The following APBA1 variants were observed in gnomAD, a reference collection of about 807,000 sequenced individuals.
The protein encoded by APBA1 is amyloid-beta A4 precursor protein-binding family A member 1.
Under a neutral mutation model 86.6 loss-of-function variants are expected in APBA1, and 55 were observed. The observed-to-expected ratio is 0.64, with a 90% CI of 0.51 to 0.80. APBA1 has a LOEUF of 0.80. Among genes scored for constraint, APBA1 ranks in the 30% least tolerant of loss-of-function variants. The pLI, the probability that APBA1 is intolerant of heterozygous loss-of-function variation, is 0.00. For synonymous variants in APBA1, 511 were observed against 493.9 expected, an observed-to-expected ratio of 1.03 and a Z score of -0.46; for missense variants, 1,090 against 1,183.0, an observed-to-expected ratio of 0.92 and a Z score of 1.15.
At chr9:69,636,480 G>T (rs934685431) in intron 1 of APBA1, among the ~76,000 whole-genome samples, 5 of 152,104 alleles carry the variant, frequency 3.3e-5, no homozygotes, top group Non-Finnish European at 7.4e-5. Context: ...CAATAGTCAA[G>T]ATCTGGAAGC....
intron 10 of APBA1, among the ~76,000 whole-genome samples, chr9:69,445,789 G>C (rs1375407176): frequency 6.6e-6 from 1 of 152,120 alleles, no homozygotes; most frequent in Non-Finnish European, 1.5e-5. Flanking sequence ...AACCTGGGGG[G>C]ACAATAGTCA....
intron 1 of APBA1, among the ~76,000 whole-genome samples, chr9:69,620,848 G>A (rs1822801337): frequency 2.0e-5 from 3 of 152,074 alleles, no homozygotes; most frequent in South Asian, 2.1e-4. Context: ...GTGCAGGCTC[G>A]GGCTGGTGCG....
intron 2 of APBA1, among the ~76,000 whole-genome samples, chr9:69,504,033 C>A (rs528360001): frequency 3.6e-4 from 55 of 152,210 alleles, no homozygotes; most frequent in Non-Finnish European, 7.5e-4. Flanking sequence ...CTTTATTGTA[C>A]CTTCAAACTG....
intron 1 of APBA1, among the ~76,000 whole-genome samples, chr9:69,561,283 A>C (rs991016384): frequency 6.6e-6 from 1 of 152,204 alleles, no homozygotes; most frequent in Non-Finnish European, 1.5e-5. Context: ...TCAGCAATGT[A>C]GTTGGTTTAT....
At chr9:69,487,139 G>A (rs1254717999) in intron 2 of APBA1, among the ~76,000 whole-genome samples, 1 of 152,010 alleles carries the variant, frequency 6.6e-6, no homozygotes, top group South Asian at 2.1e-4. Flanking sequence ...TTCTAGAAAG[G>A]CCTGAGGACT....
intron 1 of APBA1, among the ~76,000 whole-genome samples, chr9:69,543,291 C>CGT (rs1836648214): frequency 6.9e-6 from 1 of 143,892 alleles, no homozygotes; most frequent in South Asian, 2.4e-4. Context: ...CCCCCCCCCC[C>CGT]GGCCTGTCCT....
At chr9:69,451,736 TC>T in intron 9 of APBA1, among the ~76,000 whole-genome samples, 2 of 152,258 alleles carry the variant, frequency 1.3e-5, no homozygotes, top group East Asian at 3.9e-4. Context: ...CTTGAGATCT[TC>T]TCTGTTTGTC....
At chr9:69,553,871 C>T (rs1028214053) in intron 1 of APBA1, among the ~76,000 whole-genome samples, 8 of 152,152 alleles carry the variant, frequency 5.3e-5, no homozygotes, top group Non-Finnish European at 8.8e-5. Flanking sequence ...TTTGGTTCAG[C>T]GTGGTGCTAA....
At chr9:69,600,800 AAAT>A in intron 1 of APBA1, among the ~76,000 whole-genome samples, 5 of 148,836 alleles carry the variant, frequency 3.4e-5, no homozygotes, top group African/African-American at 1.3e-4. Context: ...TCGTCTCAAA[AAAT>A]AATAATAAAT....
rs141292034 is a variant in APBA1 at position 69,502,907 on chromosome 9, T to C, written c.1200+13104A>G. ...GCTCCTGAACTCTTCAGATTTTTCATTGTCAAGTTGTAAATTCACTTACCA... is the reference window on the plus strand; with the variant it reads ...GCTCCTGAACTCTTCAGATTTTTCACTGTCAAGTTGTAAATTCACTTACCA... On this transcript the variant is annotated intron_variant, in intron 2 of 12. Coordinates refer to ENST00000265381, the MANE Select transcript of APBA1 (RefSeq NM_001163.4). Among the ~76,000 whole-genome samples, 184 of 152,228 alleles carry C rather than the reference T, an allele frequency of 1.2e-3. 2 individuals carry two copies. The highest frequency in any genetic ancestry group is 3.9e-3 in the African/African-American group (164 of 41,546).
intron 1 of APBA1, among the ~76,000 whole-genome samples, chr9:69,670,770 T>C (rs1338724278): frequency 6.6e-6 from 1 of 152,162 alleles, no homozygotes; most frequent in African/African-American, 2.4e-5. Context: ...CCAAATTCCC[T>C]ACTAGTGGGC....
chr9:69,505,132 C>T (rs1310459761), intron 2 of APBA1, among the ~76,000 whole-genome samples: 1 of 152,076 alleles, frequency 6.6e-6, no homozygotes, highest in Non-Finnish European at 1.5e-5. Context: ...CCCCAAAAAT[C>T]TCTGTGGCTT....
intron 1 of APBA1, among the ~76,000 whole-genome samples, chr9:69,641,534 A>G (rs1395329686): frequency 6.6e-6 from 1 of 152,238 alleles, no homozygotes; most frequent in Non-Finnish European, 1.5e-5. Flanking sequence ...TGTGATATTA[A>G]CACAGGATAG....
intron 11 of APBA1, among the ~76,000 whole-genome samples, chr9:69,434,573 G>A (rs550978779): frequency 6.2e-4 from 95 of 152,140 alleles, no homozygotes; most frequent in African/African-American, 2.1e-3. Flanking sequence ...CGGGCGTGGT[G>A]GCACGTGCCT....
chr9:69,658,256 C>CT (rs1290798958), intron 1 of APBA1, among the ~76,000 whole-genome samples: 1 of 24,242 alleles, frequency 4.1e-5, no homozygotes, highest in East Asian at 8.2e-3. Flanking sequence ...TTCTTTCTTT[C>CT]TTTCTTTCTT....
chr9:69,551,729 T>C (rs1422119535), intron 1 of APBA1, among the ~76,000 whole-genome samples: 2 of 152,174 alleles, frequency 1.3e-5, no homozygotes, highest in African/African-American at 4.8e-5. Context: ...CTCTGTATCA[T>C]GGAGTTTGAA....
intron 2 of APBA1, among the ~76,000 whole-genome samples, chr9:69,491,744 AC>A (rs1835714919): frequency 2.0e-5 from 3 of 150,084 alleles, no homozygotes; most frequent in Non-Finnish European, 4.4e-5. Flanking sequence ...ATACATAGTT[AC>A]ATTTCATTTA....
chr9:69,615,336 T>C lies in APBA1; in HGVS notation c.-70+56817A>G, dbSNP rs1239128480. ...AATTCCTTCCAAAATTCAGAAGCTA[T>C]CTGTGAGTGTTCTTATGACAATGCA... On this transcript the variant is annotated intron_variant, in intron 1 of 12. Transcript: ENST00000265381. Among the ~76,000 whole-genome samples, 9 of 152,358 alleles carry C rather than the reference T, an allele frequency of 5.9e-5. No homozygotes were observed. The South Asian group carries it at 1.9e-3, about 32-fold the overall frequency.
chr9:69,443,620 T>C (rs1312876165), intron 10 of APBA1, among the ~76,000 whole-genome samples: 2 of 152,168 alleles, frequency 1.3e-5, no homozygotes, highest in African/African-American at 4.8e-5. Flanking sequence ...CATTGAACAC[T>C]CACTGTTATC....
Sources: allele counts gnomAD v4.1 joint callset (sites outside exome capture counted in the v4.1 genomes callset), GRCh38; gene constraint gnomAD v4.1.1; transcripts MANE v1.5; gene names NCBI Gene and HGNC (gene_info 2026-07-23, HGNC 2026-07-21).